Variants in SP140 observed in about 807,000 individuals in gnomAD.
SP140 encodes SP140 nuclear body protein, also known as nuclear body protein SP140.
A neutral mutation model predicts 125.0 loss-of-function variants in SP140; 81 were observed. That is an observed-to-expected ratio of 0.65 (90% confidence interval 0.54 to 0.78). The LOEUF (loss-of-function observed/expected upper bound fraction) is 0.78, where lower values mean the gene tolerates loss of function less well. Ranked by LOEUF, SP140 falls within the 30% of genes least tolerant of loss-of-function variation. SP140 has a pLI of 0.00. For missense variants in SP140, 858 were observed against 1,037.0 expected, an observed-to-expected ratio of 0.83 and a Z score of 2.37; for synonymous variants, 312 against 354.0, an observed-to-expected ratio of 0.88 and a Z score of 1.33.
At chr2:230,306,720 C>T (rs902835149) in intron 22 of SP140, among the ~76,000 whole-genome samples, 5 of 152,264 alleles carry the variant, frequency 3.3e-5, no homozygotes, top group South Asian at 2.1e-4. Context: ...GCCTGCACCC[C>T]TCTGGATTTT....
At chr2:230,212,622 T>G in intron 1 of SP140, 1 of 1,243,484 alleles carries the variant, frequency 8.0e-7, no homozygotes, top group Admixed American at 1.7e-5. Context: ...TAATCCCTCT[T>G]GAAAAGGGTT....
chr2:230,275,736 A>G (rs762789871), intron 15 of SP140, among the ~76,000 whole-genome samples: 31 of 152,236 alleles, frequency 2.0e-4, no homozygotes, highest in Non-Finnish European at 3.4e-4. Flanking sequence ...AAGCCATGTC[A>G]AAAGCTGAGA....
upstream of SP140, among the ~76,000 whole-genome samples, chr2:230,198,799 T>C (rs186756110): frequency 6.6e-6 from 1 of 152,158 alleles, no homozygotes; most frequent in Non-Finnish European, 1.5e-5. Context: ...GGTTTCACCA[T>C]GTTGGCCAGA....
intron 3 of SP140, chr2:230,238,960 G>A (rs1000854395): frequency 6.6e-7 from 1 of 1,524,454 alleles, no homozygotes; most frequent in Non-Finnish European, 8.8e-7. Flanking sequence ...GGGTGTGAGA[G>A]CTGACTCTGG....
chr2:230,265,259 G>A (rs1426413478), intron 12 of SP140, among the ~76,000 whole-genome samples: 4 of 152,050 alleles, frequency 2.6e-5, no homozygotes, highest in Non-Finnish European at 5.9e-5. Flanking sequence ...AAAGCTGGCA[G>A]TCACAGGTCT....
chr2:230,280,859 C>T (rs2055437181), intron 15 of SP140, among the ~76,000 whole-genome samples: 2 of 151,978 alleles, frequency 1.3e-5, no homozygotes. Context: ...TCTTTGGTTT[C>T]ACTTTTTGTC....
chr2:230,309,242 T>C (rs2059107336), intron 22 of SP140, among the ~76,000 whole-genome samples: 1 of 152,164 alleles, frequency 6.6e-6, no homozygotes, highest in Non-Finnish European at 1.5e-5. Flanking sequence ...GCTGTTACCA[T>C]TGTCCTTGGT....
chr2:230,235,545 G>A (rs1208271343), intron 1 of SP140, among the ~76,000 whole-genome samples: 1 of 152,148 alleles, frequency 6.6e-6, no homozygotes, highest in Non-Finnish European at 1.5e-5. Context: ...GGAAATTTTA[G>A]TGATCCTCTA....
intron 22 of SP140, among the ~76,000 whole-genome samples, chr2:230,309,060 T>C (rs1575381530): frequency 6.6e-6 from 1 of 152,362 alleles, no homozygotes; most frequent in Non-Finnish European, 1.5e-5. Flanking sequence ...GCAAATACCA[T>C]CATATTTTAA....
intron 12 of SP140, among the ~76,000 whole-genome samples, chr2:230,264,235 T>C (rs1323451181): frequency 6.6e-6 from 1 of 152,172 alleles, no homozygotes; most frequent in African/African-American, 2.4e-5. Context: ...GAGCTCTGAA[T>C]TTCTTTCTTC....
intron 8 of SP140, among the ~76,000 whole-genome samples, chr2:230,248,624 AG>A (rs1287849375): frequency 2.0e-5 from 3 of 152,250 alleles, no homozygotes; most frequent in African/African-American, 7.2e-5. Context: ...ACATAGAAAC[AG>A]GAGACAAGAG....
chr2:230,284,603 A>G (rs1431988231), intron 16 of SP140, among the ~76,000 whole-genome samples, 192 bp downstream of exon 16: 1 of 152,250 alleles, frequency 6.6e-6, no homozygotes, highest in Non-Finnish European at 1.5e-5. Flanking sequence ...TAATGCATGT[A>G]ATAGTCCAGA....
At chr2:230,304,936 A>G (rs562579535) in intron 22 of SP140, among the ~76,000 whole-genome samples, 1 of 152,356 alleles carries the variant, frequency 6.6e-6, no homozygotes, top group South Asian at 2.1e-4. Flanking sequence ...AAAGGCTTCT[A>G]TACAGCAAAA....
At chr2:230,276,552 G>A (rs1406488564) in intron 15 of SP140, among the ~76,000 whole-genome samples, 1 of 152,202 alleles carries the variant, frequency 6.6e-6, no homozygotes, top group Non-Finnish European at 1.5e-5. Context: ...TGTACAAGGT[G>A]ATTAGCATTA....
intron 15 of SP140, among the ~76,000 whole-genome samples, chr2:230,278,154 C>T (rs191765612): frequency 2.0e-5 from 3 of 152,142 alleles, no homozygotes; most frequent in Admixed American, 6.6e-5. Flanking sequence ...TTATCTCCTG[C>T]CTTTTTGCTA....
At chr2:230,216,799 G>A (rs1190828948) in intron 3 of SP140, 2 of 1,614,092 alleles carry the variant, frequency 1.2e-6, no homozygotes, top group Non-Finnish European at 1.7e-6. Context: ...TTCTCTTAGT[G>A]ATGATGGAGT....
At chr2:230,207,296 T>G (rs2043974106) in intron 1 of SP140, among the ~76,000 whole-genome samples, 1 of 152,124 alleles carries the variant, frequency 6.6e-6, no homozygotes, top group Non-Finnish European at 1.5e-5. Context: ...TGCCTTTGGG[T>G]TTGTGTATGG....
At chr2:230,189,629 T>C in the SP140 span, among the ~76,000 whole-genome samples, 1 of 152,142 alleles carries the variant, frequency 6.6e-6, no homozygotes, top group Non-Finnish European at 1.5e-5. Context: ...GTTTCTTACA[T>C]AGGTATGCAT....
chr2:230,212,066 T>C (rs960774336), intron 1 of SP140, among the ~76,000 whole-genome samples: 1 of 152,216 alleles, frequency 6.6e-6, no homozygotes, highest in African/African-American at 2.4e-5. Flanking sequence ...AAATGAAGAA[T>C]GTTGAAACTC....
Sources: gnomAD v4.1 joint callset for allele counts (sites outside exome capture counted in the v4.1 genomes callset) on GRCh38, gnomAD v4.1.1 for gene constraint, MANE v1.5 for transcripts, NCBI Gene and HGNC (gene_info 2026-07-23, HGNC 2026-07-21) for gene names.